Variants in LHFPL6 observed in about 807,000 individuals in gnomAD.
The protein encoded by LHFPL6 is LHFPL tetraspan subfamily member 6 protein.
In LHFPL6, 9 loss-of-function variants were observed where a neutral mutation model predicts 20.6. That is an observed-to-expected ratio of 0.44 (90% CI 0.26 to 0.76). The LOEUF is 0.76. Among genes scored for constraint, LHFPL6 ranks in the 30% least tolerant of loss-of-function variants. LHFPL6 has a pLI of 0.20. For missense variants in LHFPL6, 218 were observed against 253.5 expected (o/e 0.86, Z 0.95); for synonymous variants, 105 against 98.7 (o/e 1.06, Z -0.38).
chr13:39,428,501 T>G (rs1192939782), intron 2 of LHFPL6, among the ~76,000 whole-genome samples: 1 of 152,208 alleles, frequency 6.6e-6, no homozygotes, highest in Non-Finnish European at 1.5e-5. Flanking sequence ...ATTTATAATC[T>G]TCCCGTATTA....
At chr13:39,460,501 T>G (rs560322491) in intron 2 of LHFPL6, among the ~76,000 whole-genome samples, 1 of 152,344 alleles carries the variant, frequency 6.6e-6, no homozygotes, top group African/African-American at 2.4e-5. Flanking sequence ...ACAGCATCCC[T>G]TTCTCAGCAA....
chr13:39,352,768 T>C (rs945506045), intron 3 of LHFPL6, among the ~76,000 whole-genome samples: 2 of 149,934 alleles, frequency 1.3e-5, no homozygotes, highest in Non-Finnish European at 3.0e-5. Context: ...CTTGTTGCTG[T>C]ATTAATAATG....
intron 2 of LHFPL6, among the ~76,000 whole-genome samples, chr13:39,514,707 C>A (rs963181520): frequency 6.6e-6 from 1 of 152,180 alleles, no homozygotes; most frequent in African/African-American, 2.4e-5. Flanking sequence ...AAAACAGGAA[C>A]AGGGAAAGGG....
chr13:39,428,211 A>T (rs1197247255), intron 2 of LHFPL6, among the ~76,000 whole-genome samples: 1 of 152,218 alleles, frequency 6.6e-6, no homozygotes, highest in Non-Finnish European at 1.5e-5. Flanking sequence ...CTGGCCTTAT[A>T]CATAATGCTG....
chr13:39,374,944 A>G (rs1431941958), intron 3 of LHFPL6, among the ~76,000 whole-genome samples: 1 of 152,232 alleles, frequency 6.6e-6, no homozygotes, highest in Non-Finnish European at 1.5e-5. Flanking sequence ...AGATAAATGC[A>G]CTACTTAAAT....
chr13:39,468,254 G>GA (rs1352697757), intron 2 of LHFPL6, among the ~76,000 whole-genome samples: 1 of 152,016 alleles, frequency 6.6e-6, no homozygotes, highest in Non-Finnish European at 1.5e-5. Flanking sequence ...ATTCCTTTCT[G>GA]AAAATTCATT....
At chr13:39,436,689 T>C (rs1472634899) in intron 2 of LHFPL6, among the ~76,000 whole-genome samples, 1 of 152,238 alleles carries the variant, frequency 6.6e-6, no homozygotes, top group Non-Finnish European at 1.5e-5. Context: ...TTCTCTAAAA[T>C]TATGTATTAT....
At chr13:39,599,121 T>C (rs1872853296) in intron 2 of LHFPL6, among the ~76,000 whole-genome samples, 1 of 152,196 alleles carries the variant, frequency 6.6e-6, no homozygotes, top group Admixed American at 6.5e-5. Flanking sequence ...ATTACACGTT[T>C]AAAGATAATC....
At chr13:39,399,967 C>T (rs2138378101) in intron 2 of LHFPL6, among the ~76,000 whole-genome samples, 1 of 152,276 alleles carries the variant, frequency 6.6e-6, no homozygotes, top group East Asian at 1.9e-4. Context: ...GTGGCACATG[C>T]CTGTTATCCC....
intron 3 of LHFPL6, among the ~76,000 whole-genome samples, chr13:39,363,702 C>G (rs1164798912): frequency 6.6e-6 from 1 of 152,232 alleles, no homozygotes; most frequent in South Asian, 2.1e-4. Flanking sequence ...AATTTCCTGG[C>G]TCCCAGTCTA....
At chr13:39,381,689 A>C (rs1870439684) in intron 2 of LHFPL6, among the ~76,000 whole-genome samples, 1 of 152,144 alleles carries the variant, frequency 6.6e-6, no homozygotes, top group South Asian at 2.1e-4. Flanking sequence ...TGTTAAAATA[A>C]AACTTTAGAC....
At chr13:39,353,544 G>C (rs1419765342) in intron 3 of LHFPL6, among the ~76,000 whole-genome samples, 1 of 151,660 alleles carries the variant, frequency 6.6e-6, no homozygotes. Flanking sequence ...GGCTAACATG[G>C]TGAAACCCAG....
At chr13:39,455,941 A>T (rs904619399) in intron 2 of LHFPL6, among the ~76,000 whole-genome samples, 1 of 152,256 alleles carries the variant, frequency 6.6e-6, no homozygotes, top group Non-Finnish European at 1.5e-5. Context: ...CTTGAAATCC[A>T]TATCATTGTC....
chr13:39,388,472 C>T (rs973355286), intron 2 of LHFPL6, among the ~76,000 whole-genome samples: 8 of 152,120 alleles, frequency 5.3e-5, no homozygotes, highest in Non-Finnish European at 1.0e-4. Flanking sequence ...GCAATTTCTA[C>T]GTGACAGTTT....
intron 2 of LHFPL6, among the ~76,000 whole-genome samples, chr13:39,554,218 T>C (rs555983174): frequency 6.6e-6 from 1 of 152,338 alleles, no homozygotes; most frequent in African/African-American, 2.4e-5. Flanking sequence ...TGGCAGCTTC[T>C]ATACAGATGT....
At chr13:39,530,783 C>T (rs1870442284) in intron 2 of LHFPL6, among the ~76,000 whole-genome samples, 4 of 151,472 alleles carry the variant, frequency 2.6e-5, no homozygotes, top group Non-Finnish European at 2.9e-5. Flanking sequence ...ATTGCATATC[C>T]GTGACTGAAC....
chr13:39,397,037 A>G (rs1357187551), intron 2 of LHFPL6, among the ~76,000 whole-genome samples: 5 of 152,172 alleles, frequency 3.3e-5, no homozygotes, highest in Non-Finnish European at 7.4e-5. Context: ...TGTTGTTTTA[A>G]GCCTCATGAT....
intron 2 of LHFPL6, among the ~76,000 whole-genome samples, chr13:39,577,129 A>T (rs1566146174): frequency 6.6e-6 from 1 of 152,222 alleles, no homozygotes; most frequent in African/African-American, 2.4e-5. Context: ...AAATGATAAC[A>T]CTTAGAAAAA....
At chr13:39,573,567 G>C (rs1872004646) in intron 2 of LHFPL6, among the ~76,000 whole-genome samples, 1 of 152,086 alleles carries the variant, frequency 6.6e-6, no homozygotes, top group Admixed American at 6.6e-5. Flanking sequence ...TTGAAGGTTA[G>C]AACTTTAAAT....
Sources: allele counts gnomAD v4.1 joint callset (sites outside exome capture counted in the v4.1 genomes callset), GRCh38; gene constraint gnomAD v4.1.1; transcripts MANE v1.5; gene names NCBI Gene and HGNC (gene_info 2026-07-23, HGNC 2026-07-21).